Variants in CHL1 observed in about 807,000 individuals in gnomAD.
The protein encoded by CHL1 is neural cell adhesion molecule L1-like protein.
Under a neutral mutation model 141.9 loss-of-function variants are expected in CHL1, and 96 were observed. That is an observed-to-expected ratio of 0.68 (90% CI 0.57 to 0.80). The LOEUF is 0.80. CHL1 is among the 30% of genes least tolerant of loss of function. The pLI, the probability that CHL1 is intolerant of heterozygous loss-of-function variation, is 0.00. For synonymous variants in CHL1, 613 were observed against 502.2 expected, an observed-to-expected ratio of 1.22 and a Z score of -2.95; for missense variants, 1,820 against 1,457.2, an observed-to-expected ratio of 1.25 and a Z score of -4.05.
chr3:284,639 A>G (rs1186110173), intron 2 of CHL1, among the ~76,000 whole-genome samples: 1 of 152,242 alleles, frequency 6.6e-6, no homozygotes, highest in Non-Finnish European at 1.5e-5. Flanking sequence ...GTTCACTGAA[A>G]AAGACAAATT....
intron 2 of CHL1, among the ~76,000 whole-genome samples, chr3:310,805 A>T (rs1699693791): frequency 6.6e-6 from 1 of 152,234 alleles, no homozygotes; most frequent in Non-Finnish European, 1.5e-5. Flanking sequence ...GGGTTTTGAC[A>T]AAGGTATAGT....
chr3:220,084 C>G (rs1700697622), intron 1 of CHL1, among the ~76,000 whole-genome samples: 1 of 152,116 alleles, frequency 6.6e-6, no homozygotes, highest in African/African-American at 2.4e-5. Context: ...TGTGGGATTT[C>G]ATTTATACGA....
At chr3:269,742 T>A (rs1695473421) in intron 2 of CHL1, among the ~76,000 whole-genome samples, 1 of 152,178 alleles carries the variant, frequency 6.6e-6, no homozygotes, top group African/African-American at 2.4e-5. Flanking sequence ...GTCACGCTGG[T>A]CTCAAACTTC....
At chr3:379,851 G>A (rs1229495434) in intron 16 of CHL1, among the ~76,000 whole-genome samples, 10 of 151,332 alleles carry the variant, frequency 6.6e-5, no homozygotes, top group Non-Finnish European at 8.8e-5. Context: ...AGCATCTCTC[G>A]ACAATTGACA....
rs73817633 is a variant in CHL1 at position 343,008 on chromosome 3, C to T, written c.704C>T (p.Ser235Leu). 897 of 1,608,886 alleles carry T rather than the reference C, an allele frequency of 5.6e-4. 3 individuals carry two copies. The African/African-American group carries it at 0.01, about 19-fold the overall frequency. Residue 235 changes from serine to leucine, a missense_variant, in exon 8 of 28, where the codon TCA becomes TTA. Physicochemically the swap from Ser to Leu is moderately radical, Grantham distance 145 (BLOSUM62 -2). Transcript: ENST00000256509. Reference protein sequence around the residue: ...NSLKHANDSSSSTEIGSKANS... With the variant: ...NSLKHANDSSLSTEIGSKANS... ...GTAAAGCATGCTAATGACTCAAGTT[C>T]ATCCACAGAAATTGGTTCCAAGGGT... is the stretch of plus-strand genomic sequence containing the variant.
chr3:382,174 A>G lies in CHL1; in HGVS notation c.1877-5A>G. On this transcript the variant is annotated splice_polypyrimidine_tract_variant and splice_region_variant and intron_variant, in intron 16 of 27. Coordinates refer to ENST00000256509, the MANE Select transcript of CHL1 (RefSeq NM_006614.4). ...ATCTACATTTTCCCTTCCTTTATTA[A>G]TTAGATGTTCCGGATCCACCAGAAA... 1 of 1,610,302 alleles carries G rather than the reference A, an allele frequency of 6.2e-7. No homozygotes were observed. The highest frequency in any genetic ancestry group is 8.5e-7 in the Non-Finnish European group (1 of 1,177,366).
chr3:271,715 G>C (rs577070631), intron 2 of CHL1, among the ~76,000 whole-genome samples: 1 of 152,316 alleles, frequency 6.6e-6, no homozygotes, highest in Admixed American at 6.5e-5. Context: ...GGAAATGTGT[G>C]ATAAGGTTAT....
At chr3:199,942 A>G (rs1698763569) in intron 1 of CHL1, among the ~76,000 whole-genome samples, 2 of 152,328 alleles carry the variant, frequency 1.3e-5, no homozygotes, top group South Asian at 4.1e-4. Context: ...GTCAGATTTG[A>G]AGGAATGATT....
intron 14 of CHL1, 195 bp downstream of exon 14, chr3:363,578 A>G (rs1704506929): frequency 4.2e-6 from 2 of 480,122 alleles, no homozygotes; most frequent in East Asian, 6.7e-5. Flanking sequence ...ATATGTGCAC[A>G]GCTTCATCCT....
intron 13 of CHL1, among the ~76,000 whole-genome samples, chr3:362,464 T>C (rs1334108155): frequency 1.3e-5 from 2 of 152,130 alleles, no homozygotes; most frequent in African/African-American, 2.4e-5. Flanking sequence ...TTTTGCATTA[T>C]TGTGATTTTT....
At chr3:246,430 C>T (rs1693179395) in intron 2 of CHL1, 1 of 152,034 alleles carries the variant, frequency 6.6e-6, no homozygotes, top group Non-Finnish European at 1.5e-5. Flanking sequence ...AATAAGTTCC[C>T]TTACCGTCAG....
chr3:322,933 T>C (rs1314711745), intron 3 of CHL1, among the ~76,000 whole-genome samples: 2 of 151,822 alleles, frequency 1.3e-5, no homozygotes, highest in African/African-American at 4.8e-5. Context: ...ATTATAATTG[T>C]TGAAGCACTT....
rs148664716 is a variant in CHL1, at chr3:382,592, G to A, written c.2097G>A (p.Gln699=). The A allele has an allele frequency of 6.2e-7, 1 of 1,613,978 alleles. No individual in the cohort carries two copies. The highest frequency in any genetic ancestry group is 2.2e-5 in the East Asian group (1 of 44,874). Residue 699 remains glutamine (Q), a synonymous_variant, in exon 18 of 28, where the codon CAG becomes CAA. Transcript: ENST00000256509. ...ILPLAPFVRY[Q]FRVIAVNEVG... Reference sequence around the variant, plus strand: ...CTTTGGCTCCATTTGTGAGATACCAGTTCAGGGTCATAGCCGTGAACGAAG... The same window carrying A: ...CTTTGGCTCCATTTGTGAGATACCAATTCAGGGTCATAGCCGTGAACGAAG...
intron 1 of CHL1, among the ~76,000 whole-genome samples, chr3:215,949 A>T (rs916040817): frequency 6.6e-6 from 1 of 152,196 alleles, no homozygotes; most frequent in Non-Finnish European, 1.5e-5. Context: ...TGGTTCCACA[A>T]ATCAGTCAGT....
rs534729479 is a variant in CHL1, at chr3:247,501, G to C, written c.-95+2809G>C. ...CAATCTGGGGCATATTAGACGCTTT[G>C]TAAGTGTAGAGGTGGGGAGAAAGAA... is the stretch of plus-strand genomic sequence containing the variant. On this transcript the variant is annotated intron_variant, in intron 2 of 27. Coordinates refer to ENST00000256509, the MANE Select transcript of CHL1 (RefSeq NM_006614.4). The C allele has an allele frequency of 2.6e-5, 4 of 152,166 alleles. No homozygotes were observed. In the East Asian group the frequency reaches 7.7e-4, roughly 29 times the overall value. 9.4% of individuals were successfully genotyped at this position (152,166 alleles called of 1,614,324 possible). A position where few individuals can be genotyped will look rare whatever the true frequency, so the allele number is the denominator to read the frequency against.
chr3:252,913 A>T (rs970892032), intron 2 of CHL1, among the ~76,000 whole-genome samples: 6 of 152,078 alleles, frequency 3.9e-5, no homozygotes, highest in African/African-American at 1.4e-4. Flanking sequence ...GCATGGATTA[A>T]TTAAGGTAAT....
At chr3:285,258 A>G (rs563775869) in intron 2 of CHL1, among the ~76,000 whole-genome samples, 2 of 152,324 alleles carry the variant, frequency 1.3e-5, no homozygotes, top group East Asian at 1.9e-4. Context: ...ACAAAATACA[A>G]CCTTGTTTGA....
intron 1 of CHL1, among the ~76,000 whole-genome samples, chr3:235,213 A>C (rs887414581): frequency 9.9e-5 from 15 of 152,068 alleles, no homozygotes; most frequent in African/African-American, 3.4e-4. Flanking sequence ...AAAGAACAAG[A>C]GTTTGCTTTA....
At chr3:395,917 A>G (rs1018538199) in intron 24 of CHL1, among the ~76,000 whole-genome samples, 1 of 152,220 alleles carries the variant, frequency 6.6e-6, no homozygotes, top group Admixed American at 6.5e-5. Flanking sequence ...GTATATTAAA[A>G]TATATTCAAG....
Sources: gnomAD v4.1 joint callset for allele counts (sites outside exome capture counted in the v4.1 genomes callset) on GRCh38, gnomAD v4.1.1 for gene constraint, MANE v1.5 for transcripts, NCBI Gene and HGNC (gene_info 2026-07-23, HGNC 2026-07-21) for gene names.